The following PITPNC1 variants were observed in gnomAD, a reference collection of about 807,000 sequenced individuals.
PITPNC1 encodes phosphatidylinositol transfer protein cytoplasmic 1, also known as cytoplasmic phosphatidylinositol transfer protein 1.
A neutral mutation model predicts 44.7 loss-of-function variants in PITPNC1; 18 were observed. The observed-to-expected ratio is 0.40, with a 90% CI of 0.28 to 0.60. The LOEUF is 0.60. Among genes scored for constraint, PITPNC1 ranks in the 20% least tolerant of loss-of-function variants. The probability of loss-of-function intolerance (pLI) is 0.39; values close to 1 mark genes in which losing one functional copy is unlikely to be tolerated. For synonymous variants in PITPNC1, 141 were observed against 149.6 expected (o/e 0.94, Z 0.42); for missense variants, 290 against 418.4 (o/e 0.69, Z 2.68).
intron 1 of PITPNC1, among the ~76,000 whole-genome samples, chr17:67,416,414 C>T (rs1320925426): frequency 6.6e-6 from 1 of 151,844 alleles, no homozygotes; most frequent in Non-Finnish European, 1.5e-5. Flanking sequence ...TGGGATTCCA[C>T]CATTTTGTCC....
chr17:67,606,661 G>A (rs929740264), intron 5 of PITPNC1, among the ~76,000 whole-genome samples: 2 of 152,074 alleles, frequency 1.3e-5, no homozygotes, highest in Admixed American at 1.3e-4. Flanking sequence ...CAGCAACCAC[G>A]ATATTAAACA....
At position 67,696,486 on chromosome 17, in the gene PITPNC1, G is replaced by A. The variant is rs1053759750; in HGVS notation, c.*3598G>A. ...ATGTGTAATCAGATAATCCAATAGA[G>A]AGGAATTGTCCAAATAGTTTTAGTA... On this transcript the variant is annotated 3_prime_UTR_variant, in exon 9 of 9. Transcript: ENST00000581322. 2.6e-5 allele frequency: 4 copies of A among 152,172 alleles called. No homozygotes were observed. Among genetic ancestry groups the A allele is most frequent in the Non-Finnish European group, 5.9e-5 (4 of 68,018 alleles). The allele number at this position is 152,172 out of a possible 1,614,324, so 9.4% of individuals were successfully genotyped here.
chr17:67,430,208 T>A (rs1348873939), intron 1 of PITPNC1, among the ~76,000 whole-genome samples: 1 of 152,200 alleles, frequency 6.6e-6, no homozygotes, highest in African/African-American at 2.4e-5. Flanking sequence ...TCTGTGATTT[T>A]AAAAACTTAG....
intron 4 of PITPNC1, among the ~76,000 whole-genome samples, chr17:67,573,475 A>T (rs1263752668): frequency 6.6e-6 from 1 of 150,994 alleles, no homozygotes. Context: ...CAAATGGAAG[A>T]GTGATGCTGC....
At chr17:67,481,634 C>T (rs972740237) in intron 1 of PITPNC1, among the ~76,000 whole-genome samples, 7 of 151,996 alleles carry the variant, frequency 4.6e-5, no homozygotes, top group African/African-American at 1.5e-4. Context: ...CCATGCCCAG[C>T]TGCTACTAAA....
At position 67,672,754 on chromosome 17, in the gene PITPNC1, A is replaced by G. The variant is rs149183625; in HGVS notation, c.619-2725A>G. Among the ~76,000 whole-genome samples the G allele has an allele frequency of 5.5e-3, 839 of 152,118 alleles. 8 individuals carry two copies. Among genetic ancestry groups the G allele is most frequent in the African/African-American group, 0.019 (805 of 41,470 alleles). On this transcript the variant is annotated intron_variant, in intron 7 of 8. Transcript: ENST00000581322. ...GTAAGATTTATGCCTTGCCCTTTCCAAATATAAGGAAGTGTTATTGACACT... is the reference window on the plus strand; with the variant it reads ...GTAAGATTTATGCCTTGCCCTTTCCGAATATAAGGAAGTGTTATTGACACT...
intron 4 of PITPNC1, among the ~76,000 whole-genome samples, chr17:67,560,375 A>C (rs2040890548): frequency 6.6e-6 from 1 of 152,204 alleles, no homozygotes; most frequent in Non-Finnish European, 1.5e-5. Flanking sequence ...CAGATACCAA[A>C]GTTTTTTGAA....
At chr17:67,588,764 A>G in intron 5 of PITPNC1, among the ~76,000 whole-genome samples, 1 of 152,234 alleles carries the variant, frequency 6.6e-6, no homozygotes, top group East Asian at 1.9e-4. Context: ...TTCAAAATGT[A>G]CTAAAATTAA....
At chr17:67,616,704 C>T (rs146703950) in intron 5 of PITPNC1, among the ~76,000 whole-genome samples, 1,840 of 152,252 alleles carry the variant, frequency 0.012, 13 homozygotes, top group Middle Eastern at 0.034. Flanking sequence ...TAAACGTGCC[C>T]TTTCCCTCAA....
At chr17:67,428,629 A>T (rs2038807696) in intron 1 of PITPNC1, among the ~76,000 whole-genome samples, 2 of 151,988 alleles carry the variant, frequency 1.3e-5, no homozygotes, top group Admixed American at 6.6e-5. Context: ...GATTTTAAAC[A>T]TTCTTCTTGA....
chr17:67,404,560 A>G (rs2038368911), intron 1 of PITPNC1, among the ~76,000 whole-genome samples: 1 of 152,230 alleles, frequency 6.6e-6, no homozygotes, highest in Non-Finnish European at 1.5e-5. Context: ...TGAGCCTTGT[A>G]AAGAAGTTCT....
Position 67,695,125 on chromosome 17 carries a change from G to A in PITPNC1, c.*2237G>A, listed in dbSNP as rs777554710. 11 of 152,060 alleles carry A rather than the reference G, an allele frequency of 7.2e-5. No individual in the cohort carries two copies. Among genetic ancestry groups the A allele is most frequent in the Non-Finnish European group, 1.3e-4 (9 of 68,020 alleles). 9.4% of individuals were successfully genotyped at this position (152,060 alleles called of 1,614,324 possible). A position where few individuals can be genotyped will look rare whatever the true frequency, so the allele number is the denominator to read the frequency against. ...GTGAGTTTCATTTCTTTTATAACCA[G>A]TATGTTACCACAGACATCAGTTGCA... On this transcript the variant is annotated 3_prime_UTR_variant, in exon 9 of 9. Transcript: ENST00000581322.
intron 1 of PITPNC1, among the ~76,000 whole-genome samples, chr17:67,414,050 C>A (rs1435723725): frequency 6.6e-6 from 1 of 151,052 alleles, no homozygotes; most frequent in Non-Finnish European, 1.5e-5. Flanking sequence ...AATACCAAAC[C>A]ATGTTATGGT....
chr17:67,660,311 C>G (rs1257948285), intron 6 of PITPNC1, among the ~76,000 whole-genome samples: 2 of 152,120 alleles, frequency 1.3e-5, no homozygotes, highest in Admixed American at 6.6e-5. Flanking sequence ...GTCCCATGGC[C>G]TCAAGCAGCA....
chr17:67,611,266 G>A (rs1386517741), intron 5 of PITPNC1: 1 of 152,170 alleles, frequency 6.6e-6, no homozygotes, highest in Admixed American at 6.5e-5. Flanking sequence ...GCACTGAATG[G>A]TACTTCAGCA....
At position 67,599,001 on chromosome 17, in the gene PITPNC1, CATAT is replaced by C. The variant is rs1172990089; in HGVS notation, c.366+20775_366+20778del. ...TCAGCCCCCAAAACTATAAGAAATA[CATAT>C]ATATATATATATATATATATATATA... On this transcript the variant is annotated intron_variant, in intron 5 of 8. Coordinates refer to ENST00000581322, the MANE Select transcript of PITPNC1 (RefSeq NM_012417.4). 2.2e-3 allele frequency among the ~76,000 whole-genome samples: 101 copies of C among 45,134 alleles called. 4 individuals carry two copies. The highest frequency in any genetic ancestry group is 8.5e-3 in the East Asian group (14 of 1,640). The allele number at this position is 45,134 out of a possible 152,430, so 29.6% of individuals were successfully genotyped here. A position where few individuals can be genotyped will look rare whatever the true frequency, so the allele number is the denominator to read the frequency against.
intron 1 of PITPNC1, among the ~76,000 whole-genome samples, chr17:67,437,361 C>T (rs550924242): frequency 6.6e-6 from 1 of 152,084 alleles, no homozygotes; most frequent in South Asian, 2.1e-4. Context: ...GAAGATAGCC[C>T]CTTGAACATG....
rs528954085 is a variant in PITPNC1, at chr17:67,559,148, C to T, written c.294+5531C>T. Reference sequence around the variant, plus strand: ...AGTGACCCCCATTCCTCCCAAGCCCCGTCTCCTTTCTTAAGCCTTTCTTCC... The same window carrying T: ...AGTGACCCCCATTCCTCCCAAGCCCTGTCTCCTTTCTTAAGCCTTTCTTCC... On this transcript the variant is annotated intron_variant, in intron 4 of 8. Transcript: ENST00000581322. Among the ~76,000 whole-genome samples the T allele has an allele frequency of 2.6e-5, 4 of 152,294 alleles. No homozygotes were observed. In the East Asian group the frequency reaches 5.8e-4, roughly 22 times the overall value.
At chr17:67,625,668 C>A (rs998578332) in intron 5 of PITPNC1, among the ~76,000 whole-genome samples, 3 of 152,096 alleles carry the variant, frequency 2.0e-5, no homozygotes, top group African/African-American at 7.2e-5. Context: ...CCGTGGCAGC[C>A]CCTCTATGTA....
Sources: gnomAD v4.1 joint callset for allele counts (sites outside exome capture counted in the v4.1 genomes callset) on GRCh38, gnomAD v4.1.1 for gene constraint, MANE v1.5 for transcripts, NCBI Gene and HGNC (gene_info 2026-07-23, HGNC 2026-07-21) for gene names.